Variants in ADGRD1 observed in about 807,000 individuals in gnomAD.
ADGRD1 encodes the protein adhesion G protein-coupled receptor D1.
A neutral mutation model predicts 113.4 loss-of-function variants in ADGRD1; 77 were observed. That is an observed-to-expected ratio of 0.68 (90% CI 0.57 to 0.82). The LOEUF (loss-of-function observed/expected upper bound fraction) is 0.82. Among genes scored for constraint, ADGRD1 ranks in the 40% least tolerant of loss-of-function variants. The pLI, the probability that ADGRD1 is intolerant of heterozygous loss-of-function variation, is 0.00. For synonymous variants in ADGRD1, 474 were observed against 475.0 expected, an observed-to-expected ratio of 1.00 and a Z score of 0.03; for missense variants, 1,036 against 1,139.1, an observed-to-expected ratio of 0.91 and a Z score of 1.30.
intron 18 of ADGRD1, among the ~76,000 whole-genome samples, chr12:131,111,482 C>T (rs1218591631): frequency 6.6e-6 from 1 of 152,186 alleles, no homozygotes; most frequent in East Asian, 1.9e-4. Flanking sequence ...TATTGAAATA[C>T]TTTTTATGTT....
intron 21 of ADGRD1, among the ~76,000 whole-genome samples, chr12:131,133,275 T>C (rs1026372606): frequency 6.6e-6 from 1 of 152,146 alleles, no homozygotes; most frequent in Non-Finnish European, 1.5e-5. Context: ...CTGAGCCCCA[T>C]GAGGCCACTA....
At chr12:131,080,466 A>G (rs4759840) in intron 14 of ADGRD1, among the ~76,000 whole-genome samples, 1 of 152,196 alleles carries the variant, frequency 6.6e-6, no homozygotes, top group Non-Finnish European at 1.5e-5. Context: ...TGTTCTATAA[A>G]TGTCAATTAC....
intron 24 of ADGRD1, among the ~76,000 whole-genome samples, 172 bp from the exon 25 acceptor site, chr12:131,138,996 G>T (rs1384097749): frequency 2.6e-5 from 4 of 152,160 alleles, no homozygotes; most frequent in Admixed American, 6.5e-5. Flanking sequence ...ACGCCACAGT[G>T]CGCACATCCT....
At chr12:131,023,879 G>A (rs1879627937) in intron 13 of ADGRD1, 1 of 152,218 alleles carries the variant, frequency 6.6e-6, no homozygotes, top group Non-Finnish European at 1.5e-5. Flanking sequence ...CCCTCGGGCA[G>A]TGTTGAGGGG....
At chr12:131,076,955 T>C in intron 14 of ADGRD1, 81 bp downstream of exon 14, 1 of 1,119,024 alleles carries the variant, frequency 8.9e-7, no homozygotes, top group Non-Finnish European at 1.4e-6. Flanking sequence ...GGGGAGGATC[T>C]GGGTCACCCA....
intron 18 of ADGRD1, among the ~76,000 whole-genome samples, chr12:131,110,912 C>T (rs60870577): frequency 0.058 from 8,759 of 151,932 alleles, 808 homozygotes; most frequent in African/African-American, 0.2. Flanking sequence ...TTTTGCTTTT[C>T]GTTCTTTGAT....
chr12:130,990,506 AAGAATAGCTGG>A (rs1874248519), intron 6 of ADGRD1: 1 of 152,936 alleles, frequency 6.5e-6, no homozygotes, highest in Non-Finnish European at 1.5e-5. Flanking sequence ...GCTGAGTGCA[AAGAATAGCTGG>A]AATCCTTGGG....
At chr12:131,029,430 A>G (rs1880354928) in intron 13 of ADGRD1, among the ~76,000 whole-genome samples, 1 of 152,214 alleles carries the variant, frequency 6.6e-6, no homozygotes, top group Non-Finnish European at 1.5e-5. Context: ...TACCCACATC[A>G]GAAAGGTCCC....
intron 13 of ADGRD1, among the ~76,000 whole-genome samples, chr12:131,038,620 G>T (rs1881790794): frequency 6.6e-6 from 1 of 152,220 alleles, no homozygotes; most frequent in African/African-American, 2.4e-5. Context: ...GGGGTAGGTG[G>T]ACACTCATCA....
chr12:131,027,289 G>A lies in ADGRD1; in HGVS notation c.1473+12949G>A, dbSNP rs913687417. On this transcript the variant is annotated intron_variant, in intron 13 of 24. Transcript: ENST00000261654. This position sits in a 1 kb window ranked among gnomAD's most constrained non-coding sequence, Gnocchi z 5.1. ...TGTCAACATTGTGGTGACTTCTTTC[G>A]GGGCTTCTCTAGGTGTGTGTGTGTG... The A allele has an allele frequency of 3.3e-5, 5 of 152,104 alleles. No individual in the cohort carries two copies. The highest frequency in any genetic ancestry group is 7.4e-5 in the Non-Finnish European group (5 of 68,014). 9.4% of individuals were successfully genotyped at this position (152,104 alleles called of 1,614,324 possible).
intron 18 of ADGRD1, among the ~76,000 whole-genome samples, chr12:131,109,286 T>C (rs1950299722): frequency 1.3e-5 from 2 of 152,222 alleles, no homozygotes; most frequent in South Asian, 2.1e-4. Flanking sequence ...TTATTTCCTT[T>C]CTTTTGCTTA....
At chr12:131,076,947 G>C in intron 14 of ADGRD1, 73 bp downstream of exon 14, 1 of 1,174,526 alleles carries the variant, frequency 8.5e-7, no homozygotes, top group Non-Finnish European at 1.3e-6. Flanking sequence ...CCAGCCCAGG[G>C]GAGGATCTGG....
chr12:131,001,231 C>T (rs1310128620), intron 9 of ADGRD1, among the ~76,000 whole-genome samples: 1 of 152,118 alleles, frequency 6.6e-6, no homozygotes, highest in Non-Finnish European at 1.5e-5. Context: ...CTCTTGTTCT[C>T]TTTACTCAAA....
chr12:131,014,054 G>A, intron 12 of ADGRD1, 145 bp from the exon 13 acceptor site: 1 of 753,764 alleles, frequency 1.3e-6, no homozygotes, highest in South Asian at 1.9e-5. Flanking sequence ...AGCAGCGGGA[G>A]CTGAATGAAA....
chr12:131,072,161 G>C (rs1488572135), intron 13 of ADGRD1, among the ~76,000 whole-genome samples: 1 of 151,604 alleles, frequency 6.6e-6, no homozygotes, highest in African/African-American at 2.4e-5. Context: ...AACCGAGCGT[G>C]AGAATCAGGT....
In ADGRD1 at chr12:131,045,583, G is replaced by C. The variant is rs540812070; in HGVS notation, c.1474-31218G>C. 4.6e-5 allele frequency among the ~76,000 whole-genome samples: 7 copies of C among 152,084 alleles called. 1 individual carries two copies. The South Asian group carries it at 1.5e-3, about 32-fold the overall frequency. On this transcript the variant is annotated intron_variant, in intron 13 of 24. Coordinates refer to ENST00000261654, the MANE Select transcript of ADGRD1 (RefSeq NM_198827.5). ...CTCGCTCAGCACACGGCTGTACCTG[G>C]ATCACGCCCATGCCCACCGGGTTCC... is the stretch of plus-strand genomic sequence containing the variant.
intron 20 of ADGRD1, 51 bp downstream of exon 20, chr12:131,120,964 G>T: frequency 6.5e-7 from 1 of 1,550,144 alleles, no homozygotes; most frequent in Non-Finnish European, 8.9e-7. Context: ...AGGGGCAGGA[G>T]GAGAGGGTGT....
chr12:130,984,906 TCTCA>T lies in ADGRD1; in HGVS notation c.491-2185_491-2182del, dbSNP rs1357682819. Among the ~76,000 whole-genome samples the T allele has an allele frequency of 6.7e-6, 1 of 149,054 alleles. No homozygotes were observed. Among genetic ancestry groups the T allele is most frequent in the African/African-American group, 2.5e-5 (1 of 40,520 alleles). ...CCTTCTTTCTTCTCTTCTCTCTCTC[TCTCA>T]CTCTCTCTCTCCTCTCTTCTCTCTT... On this transcript the variant is annotated intron_variant, in intron 5 of 24. Transcript: ENST00000261654. The surrounding 1 kb of genome is among the most constrained non-coding windows in gnomAD (Gnocchi z 4.1).
At chr12:131,039,073 G>T (rs1055639623) in intron 13 of ADGRD1, among the ~76,000 whole-genome samples, 30 of 152,262 alleles carry the variant, frequency 2.0e-4, no homozygotes, top group African/African-American at 6.5e-4. Flanking sequence ...GCTGAGTCTA[G>T]TCCTCTGTCG....
Sources: allele counts gnomAD v4.1 joint callset (sites outside exome capture counted in the v4.1 genomes callset), GRCh38; gene constraint gnomAD v4.1.1; non-coding constraint Gnocchi (gnomAD v3.1); transcripts MANE v1.5; gene names NCBI Gene and HGNC (gene_info 2026-07-23, HGNC 2026-07-21).